The following ADCY2 variants were observed in gnomAD, a reference collection of about 807,000 sequenced individuals.
ADCY2 encodes the protein adenylate cyclase 2, also known as adenylate cyclase type 2.
In ADCY2, 31 loss-of-function variants were observed where a neutral mutation model predicts 125.2. That is an observed-to-expected ratio of 0.25 (90% CI 0.19 to 0.33). The LOEUF is 0.33. Ranked by LOEUF, ADCY2 falls within the 10% of genes least tolerant of loss-of-function variation. ADCY2 has a pLI of 1.00. For missense variants in ADCY2, 904 were observed against 1,418.2 expected, an observed-to-expected ratio of 0.64 and a Z score of 5.82; for synonymous variants, 512 against 548.4, an observed-to-expected ratio of 0.93 and a Z score of 0.93.
chr5:7,763,096 G>GTT (rs1743280133), intron 16 of ADCY2, among the ~76,000 whole-genome samples: 1 of 150,664 alleles, frequency 6.6e-6, no homozygotes. Context: ...TGTTTCTAAT[G>GTT]TATTTTTTTT....
At chr5:7,760,524 A>G (rs1229417714) in intron 16 of ADCY2, among the ~76,000 whole-genome samples, 1 of 152,196 alleles carries the variant, frequency 6.6e-6, no homozygotes, top group African/African-American at 2.4e-5. Flanking sequence ...CAAATTGAGC[A>G]CACTTCCTGA....
At chr5:7,404,099 A>G (rs1301745885) in intron 1 of ADCY2, among the ~76,000 whole-genome samples, 2 of 152,314 alleles carry the variant, frequency 1.3e-5, no homozygotes, top group East Asian at 1.9e-4. Context: ...GTCAGTTTCA[A>G]TAAGTTGTTT....
At chr5:7,512,218 C>CAAAAA (rs57381383) in intron 2 of ADCY2, among the ~76,000 whole-genome samples, 6,030 of 57,642 alleles carry the variant, frequency 0.1, 647 homozygotes, top group Non-Finnish European at 0.14. Flanking sequence ...ATGACTCCAT[C>CAAAAA]AAAAAAAAAA....
chr5:7,720,952 G>T (rs1741738994), intron 12 of ADCY2, among the ~76,000 whole-genome samples: 1 of 152,192 alleles, frequency 6.6e-6, no homozygotes. Flanking sequence ...TCTAGTTCTA[G>T]ATCCTTGAGG....
At chr5:7,477,933 G>T (rs1439889951) in intron 2 of ADCY2, among the ~76,000 whole-genome samples, 1 of 152,128 alleles carries the variant, frequency 6.6e-6, no homozygotes, top group Non-Finnish European at 1.5e-5. Flanking sequence ...AATGGACACA[G>T]CTGTGAACCT....
intron 2 of ADCY2, among the ~76,000 whole-genome samples, chr5:7,418,437 G>A (rs981267678): frequency 2.0e-5 from 3 of 152,094 alleles, no homozygotes; most frequent in Non-Finnish European, 4.4e-5. Flanking sequence ...GCCAGGCTCA[G>A]TGGCTGTAGC....
At position 7,820,633 on chromosome 5, in the gene ADCY2, A is replaced by G; in HGVS notation, c.3067A>G (p.Asn1023Asp). The G allele has an allele frequency of 6.2e-7, 1 of 1,614,160 alleles. No homozygotes were observed. The highest frequency in any genetic ancestry group is 8.5e-7 in the Non-Finnish European group (1 of 1,180,000). Residue 1023 changes from asparagine (N) to aspartate (D), a missense_variant, in exon 24 of 25, where the codon AAC becomes GAC. Coordinates refer to ENST00000338316, the MANE Select transcript of ADCY2 (RefSeq NM_020546.3). ...AQKPQYDIWG[N>D]TVNVASRMDS... ...GAAGCCACAATATGATATCTGGGGC[A>G]ACACTGTCAATGTGGCCAGTAGGAT... is the stretch of plus-strand genomic sequence containing the variant.
chr5:7,739,160 C>T (rs1219091484), intron 14 of ADCY2, among the ~76,000 whole-genome samples: 1 of 151,696 alleles, frequency 6.6e-6, no homozygotes, highest in Non-Finnish European at 1.5e-5. Context: ...TATACTAGGC[C>T]ATAAAAGCAT....
intron 4 of ADCY2, among the ~76,000 whole-genome samples, chr5:7,675,675 A>T (rs1740100650): frequency 6.6e-6 from 1 of 152,224 alleles, no homozygotes; most frequent in Non-Finnish European, 1.5e-5. Flanking sequence ...TTAAAGGAGA[A>T]GTAGTAACAA....
At chr5:7,456,746 T>C (rs1741686915) in intron 2 of ADCY2, among the ~76,000 whole-genome samples, 1 of 152,224 alleles carries the variant, frequency 6.6e-6, no homozygotes, top group Non-Finnish European at 1.5e-5. Flanking sequence ...TCTATTGTTT[T>C]CCAGTTTAAT....
At chr5:7,613,042 A>C (rs1437496470) in intron 3 of ADCY2, among the ~76,000 whole-genome samples, 1 of 152,078 alleles carries the variant, frequency 6.6e-6, no homozygotes, top group Non-Finnish European at 1.5e-5. Flanking sequence ...AAAAAAATAT[A>C]TATATACCTA....
In ADCY2 at chr5:7,802,010, G is replaced by A; in HGVS notation, c.2629-208G>A. On this transcript the variant is annotated intron_variant, in intron 20 of 24. Transcript: ENST00000338316. This position sits in a 1 kb window ranked among gnomAD's most constrained non-coding sequence, Gnocchi z 4.6. ...ACTGGCAAGGCACCTCTTCTTAACT[G>A]GTAGTGGCCTGAATCCAGCTCATTA... is the stretch of plus-strand genomic sequence containing the variant. 1 of 528,222 alleles carries A rather than the reference G, an allele frequency of 1.9e-6. No homozygotes were observed. The highest frequency in any genetic ancestry group is 3.3e-6 in the Non-Finnish European group (1 of 302,138). 32.7% of individuals were successfully genotyped at this position (528,222 alleles called of 1,614,324 possible).
intron 2 of ADCY2, among the ~76,000 whole-genome samples, chr5:7,512,673 A>G (rs1037460363): frequency 3.3e-5 from 5 of 152,152 alleles, no homozygotes; most frequent in African/African-American, 1.2e-4. Flanking sequence ...TGTAAATAAT[A>G]TTAACAATTT....
chr5:7,617,882 A>G (rs1055588133), intron 3 of ADCY2, among the ~76,000 whole-genome samples: 3 of 152,208 alleles, frequency 2.0e-5, no homozygotes, highest in Non-Finnish European at 4.4e-5. Context: ...GAATATGATT[A>G]ATGAAACAAC....
chr5:7,467,029 T>A (rs150955870), intron 2 of ADCY2, among the ~76,000 whole-genome samples: 110 of 152,298 alleles, frequency 7.2e-4, no homozygotes, highest in East Asian at 1.9e-4. Context: ...TGAATTAGGA[T>A]ATTTTCAATT....
intron 3 of ADCY2, among the ~76,000 whole-genome samples, chr5:7,578,413 C>G (rs556092094): frequency 6.6e-6 from 1 of 152,286 alleles, no homozygotes; most frequent in African/African-American, 2.4e-5. Flanking sequence ...ACACTTAGCT[C>G]TTTATTCTCA....
At chr5:7,736,095 T>C (rs1369186677) in intron 14 of ADCY2, among the ~76,000 whole-genome samples, 6 of 152,074 alleles carry the variant, frequency 3.9e-5, no homozygotes, top group Admixed American at 3.9e-4. Flanking sequence ...AGCACAGGCC[T>C]ATTGGTCCCA....
chr5:7,582,787 A>G (rs1352997245), intron 3 of ADCY2, among the ~76,000 whole-genome samples: 1 of 152,168 alleles, frequency 6.6e-6, no homozygotes, highest in Admixed American at 6.5e-5. Flanking sequence ...TCAATGGTCA[A>G]ATATTAAACA....
chr5:7,419,663 G>A (rs938154087), intron 2 of ADCY2, among the ~76,000 whole-genome samples: 1 of 152,114 alleles, frequency 6.6e-6, no homozygotes, highest in African/African-American at 2.4e-5. Context: ...TGGGGTCTAA[G>A]CCCCCAGATA....
Sources: gnomAD v4.1 joint callset for allele counts (sites outside exome capture counted in the v4.1 genomes callset) on GRCh38, gnomAD v4.1.1 for gene constraint, Gnocchi (gnomAD v3.1) non-coding constraint, MANE v1.5 for transcripts, NCBI Gene and HGNC (gene_info 2026-07-23, HGNC 2026-07-21) for gene names.